Variants in MICAL2 observed in about 807,000 individuals in gnomAD.
The protein encoded by MICAL2 is [F-actin]-monooxygenase MICAL2.
Under a neutral mutation model 127.3 loss-of-function variants are expected in MICAL2, and 77 were observed. The ratio of observed to expected loss-of-function variants is 0.60; its 90% CI spans 0.50 to 0.73. MICAL2 has a LOEUF of 0.73. Among genes scored for constraint, MICAL2 ranks in the 30% least tolerant of loss-of-function variants. The probability of loss-of-function intolerance (pLI) is 0.00; values close to 1 mark genes in which losing one functional copy is unlikely to be tolerated. For synonymous variants in MICAL2, 570 were observed against 551.1 expected (o/e 1.03, Z -0.48); for missense variants, 1,351 against 1,434.4 (o/e 0.94, Z 0.94).
At chr11:12,305,655 G>A (rs1165441777) in intron 29 of MICAL2, among the ~76,000 whole-genome samples, 1 of 152,178 alleles carries the variant, frequency 6.6e-6, no homozygotes, top group East Asian at 1.9e-4. Context: ...TTACTGTAGT[G>A]TACTCACCTA....
chr11:12,338,689 T>G (rs1216900256), intron 32 of MICAL2, among the ~76,000 whole-genome samples: 1 of 152,114 alleles, frequency 6.6e-6, no homozygotes, highest in African/African-American at 2.4e-5. Context: ...GTCTGTAAAG[T>G]ATTTTATTTC....
intron 2 of MICAL2, among the ~76,000 whole-genome samples, chr11:12,144,495 C>T (rs1852687545): frequency 6.6e-6 from 1 of 152,192 alleles, no homozygotes; most frequent in South Asian, 2.1e-4. Context: ...GACCCAGCCT[C>T]TCTGAGCTTT....
chr11:12,296,577 T>A (rs978155853), downstream of MICAL2, among the ~76,000 whole-genome samples: 4 of 149,514 alleles, frequency 2.7e-5, no homozygotes, highest in African/African-American at 9.8e-5. Context: ...AAATTTAATG[T>A]GTTATGCATT....
At chr11:12,343,130 G>T (rs1210270299) in intron 32 of MICAL2, among the ~76,000 whole-genome samples, 1 of 152,144 alleles carries the variant, frequency 6.6e-6, no homozygotes, top group Non-Finnish European at 1.5e-5. Flanking sequence ...AAAATAGGCT[G>T]GGCGCCGTGG....
intron 2 of MICAL2, among the ~76,000 whole-genome samples, chr11:12,155,566 G>A (rs1854093607): frequency 6.6e-6 from 1 of 151,972 alleles, no homozygotes; most frequent in African/African-American, 2.4e-5. Flanking sequence ...ATACACACAT[G>A]CACACATATA....
chr11:12,221,787 T>TG (rs1166750266), intron 10 of MICAL2, 28 bp downstream of exon 10: 5 of 1,587,704 alleles, frequency 3.1e-6, no homozygotes, highest in East Asian at 2.2e-5. Flanking sequence ...GGCTCCTAAC[T>TG]GGGGGGCAGG....
At chr11:12,332,092 A>G (rs1938649417) in intron 32 of MICAL2, among the ~76,000 whole-genome samples, 1 of 152,306 alleles carries the variant, frequency 6.6e-6, no homozygotes, top group Middle Eastern at 3.4e-3. Flanking sequence ...AAAAACAGTA[A>G]TGCAATAAAA....
chr11:12,328,910 G>A (rs754499239), intron 32 of MICAL2, among the ~76,000 whole-genome samples: 20 of 152,064 alleles, frequency 1.3e-4, no homozygotes, highest in African/African-American at 4.6e-4. Flanking sequence ...ACCTTGCAAG[G>A]ACCCATCCAA....
intron 24 of MICAL2, among the ~76,000 whole-genome samples, chr11:12,269,226 C>T (rs1194056296): frequency 6.6e-6 from 1 of 152,116 alleles, no homozygotes. Flanking sequence ...CAGGCTACTT[C>T]CCTTCCTGCT....
chr11:12,310,958 G>A (rs778851347), intron 29 of MICAL2, among the ~76,000 whole-genome samples: 5 of 151,732 alleles, frequency 3.3e-5, no homozygotes, highest in Non-Finnish European at 5.9e-5. Context: ...TTGCTTTCTT[G>A]ATTTCTTTTT....
At chr11:12,223,543 G>A (rs747456905) in intron 12 of MICAL2, 42 bp downstream of exon 12, 1 of 1,552,446 alleles carries the variant, frequency 6.4e-7, no homozygotes, top group African/African-American at 1.4e-5. Flanking sequence ...GCTGGGAAGA[G>A]CTTTGAGGGG....
At chr11:12,359,258 A>C (rs1348475269), downstream of MICAL2, 1 of 151,952 alleles carries the variant, frequency 6.6e-6, no homozygotes, top group African/African-American at 2.4e-5. Flanking sequence ...CTTTTTATGG[A>C]CCCTGGAAAA....
rs138947430 is a variant in MICAL2 at position 12,241,113 on chromosome 11, C to T, written c.2288C>T (p.Pro763Leu). 1.5e-5 allele frequency: 25 copies of T among 1,614,042 alleles called. No individual in the cohort carries two copies. The highest frequency in any genetic ancestry group is 8.3e-5 in the Admixed American group (5 of 60,000). Residue 763 changes from proline (P) to leucine (L), a missense_variant, in exon 18 of 28, where the codon CCC becomes CTC. Around this residue, in one of 2 missense-constraint regions of MICAL2, gnomAD observed 752 missense variants for 719.4 expected, o/e 1.05. Coordinates refer to ENST00000683283, the MANE Select transcript of MICAL2 (RefSeq NM_001282663.2). Reference sequence around the variant, plus strand: ...GGCCCTCCTGTTCACTCTTGCTGCCCCAAGCCGGAGGAGGCCACACCCAGC... The same window carrying T: ...GGCCCTCCTGTTCACTCTTGCTGCCTCAAGCCGGAGGAGGCCACACCCAGC... ...SSGPPVHSCC[P>L]KPEEATPSPS... is the part of the protein sequence containing the mutation.
chr11:12,165,944 G>T lies in MICAL2; in HGVS notation c.264+3525G>T, dbSNP rs73414242. 6.7e-3 allele frequency among the ~76,000 whole-genome samples: 1,017 copies of T among 152,214 alleles called. 17 individuals are homozygous for T. The highest frequency in any genetic ancestry group is 0.023 in the African/African-American group (967 of 41,534). On this transcript the variant is annotated intron_variant, in intron 3 of 27. Coordinates refer to ENST00000683283, the MANE Select transcript of MICAL2 (RefSeq NM_001282663.2). Reference sequence around the variant, plus strand: ...CTGAATATTAATAATTCTTTCCCTGGGCGTGACTGTGTTTGGATAAGAATG... The same window carrying T: ...CTGAATATTAATAATTCTTTCCCTGTGCGTGACTGTGTTTGGATAAGAATG...
chr11:12,216,414 C>T (rs920833102), intron 8 of MICAL2, 95 bp downstream of exon 8: 24 of 956,122 alleles, frequency 2.5e-5, no homozygotes, highest in Non-Finnish European at 3.3e-5. Context: ...AGAAACTGAG[C>T]GAGGGGAGGA....
downstream of MICAL2, chr11:12,294,249 T>C (rs1374536181): frequency 6.2e-7 from 1 of 1,614,018 alleles, no homozygotes; most frequent in East Asian, 2.2e-5. Flanking sequence ...CTGCGGCTCA[T>C]AGCCAATGCC....
downstream of MICAL2, chr11:12,294,982 C>A (rs1863967422): frequency 3.8e-6 from 5 of 1,302,546 alleles, no homozygotes; most frequent in Non-Finnish European, 3.9e-6. Context: ...AGTAGGAAAA[C>A]TTTAAAGGCA....
At chr11:12,296,499 T>C (rs1863987237), downstream of MICAL2, among the ~76,000 whole-genome samples, 1 of 149,632 alleles carries the variant, frequency 6.7e-6, no homozygotes, top group Admixed American at 6.6e-5. Context: ...TTTAATAAAC[T>C]ACTAAAATGC....
intron 3 of MICAL2, among the ~76,000 whole-genome samples, chr11:12,201,439 G>A (rs1205136636): frequency 6.6e-6 from 1 of 151,300 alleles, no homozygotes; most frequent in Non-Finnish European, 1.5e-5. Flanking sequence ...AAGCAGAAGG[G>A]CAGTTACCAG....
Sources: gnomAD v4.1 joint callset for allele counts (sites outside exome capture counted in the v4.1 genomes callset) on GRCh38, gnomAD v4.1.1 for gene constraint, gnomAD v4.1.1 regional missense constraint, MANE v1.5 for transcripts, NCBI Gene and HGNC (gene_info 2026-07-23, HGNC 2026-07-21) for gene names.